Variants in PKHD1L1 observed in about 807,000 individuals in gnomAD.
The protein encoded by PKHD1L1 is PKHD1 like 1.
Under a neutral mutation model 462.9 loss-of-function variants are expected in PKHD1L1, and 434 were observed. The ratio of observed to expected loss-of-function variants is 0.94; its 90% CI spans 0.87 to 1.02. The LOEUF is 1.02. Among genes scored for constraint, PKHD1L1 ranks in the 50% least tolerant of loss-of-function variants. The pLI, the probability that PKHD1L1 is intolerant of heterozygous loss-of-function variation, is 0.00. For synonymous variants in PKHD1L1, 1,781 were observed against 1,750.0 expected (o/e 1.02, Z -0.44); for missense variants, 5,202 against 5,096.1 (o/e 1.02, Z -0.63).
intron 54 of PKHD1L1, 55 bp downstream of exon 54, chr8:109,479,694 A>G (rs1260762479): frequency 8.3e-7 from 1 of 1,200,026 alleles, no homozygotes; most frequent in Non-Finnish European, 1.2e-6. Flanking sequence ...TATTAACACT[A>G]TGGCAGGGTA....
At chr8:109,448,516 G>GT (rs1816293492) in intron 39 of PKHD1L1, 125 bp downstream of exon 39, 2 of 1,172,038 alleles carry the variant, frequency 1.7e-6, no homozygotes, top group Admixed American at 3.5e-5. Context: ...TTGTTTGTTT[G>GT]GTTTTTTTTT....
At position 109,522,417 on chromosome 8, in the gene PKHD1L1, T is replaced by C; in HGVS notation, c.12183+80T>C. On this transcript the variant is annotated intron_variant, in intron 74 of 77. Transcript: ENST00000378402. ...TTATTTCTTATTTTAACTCTCTGTT[T>C]CTATTTCAAAACAATAATTTAGCAG... is the stretch of plus-strand genomic sequence containing the variant. 2.2e-6 allele frequency: 3 copies of C among 1,357,006 alleles called. No homozygotes were observed. In the South Asian group the frequency reaches 4.7e-5, roughly 21 times the overall value. 84.1% of individuals were successfully genotyped at this position (1,357,006 alleles called of 1,614,324 possible).
chr8:109,421,428 T>C (rs1814458427), intron 23 of PKHD1L1, among the ~76,000 whole-genome samples: 1 of 152,210 alleles, frequency 6.6e-6, no homozygotes, highest in South Asian at 2.1e-4. Context: ...TTAGTCTTAA[T>C]ATCTTCCAGA....
intron 6 of PKHD1L1, among the ~76,000 whole-genome samples, chr8:109,387,826 C>T (rs1212923457): frequency 6.6e-6 from 1 of 152,064 alleles, no homozygotes; most frequent in East Asian, 1.9e-4. Context: ...GATTTGCTGT[C>T]CCAAAAGCTG....
Position 109,530,179 on chromosome 8 carries a change from A to T in PKHD1L1, c.*89A>T. The T allele has an allele frequency of 2.8e-6, 2 of 712,648 alleles. No homozygotes were observed. Among genetic ancestry groups the T allele is most frequent in the Non-Finnish European group, 4.1e-6 (2 of 493,356 alleles). 44.1% of individuals were successfully genotyped at this position (712,648 alleles called of 1,614,324 possible). A position where few individuals can be genotyped will look rare whatever the true frequency, so the allele number is the denominator to read the frequency against. On this transcript the variant is annotated 3_prime_UTR_variant, in exon 78 of 78. Coordinates refer to ENST00000378402, the MANE Select transcript of PKHD1L1 (RefSeq NM_177531.6). ...ATAGGCAAAAGTCTATAGCATTTTC[A>T]TGAAAATATACTAAAAATATTTTTA... is the stretch of plus-strand genomic sequence containing the variant.
chr8:109,459,243 G>T (rs1041708709), intron 46 of PKHD1L1, among the ~76,000 whole-genome samples: 8 of 151,990 alleles, frequency 5.3e-5, no homozygotes, highest in African/African-American at 1.9e-4. Flanking sequence ...GTGTCTTCAG[G>T]CATTGCTAAA....
chr8:109,397,305 A>T (rs1260081789), intron 11 of PKHD1L1, among the ~76,000 whole-genome samples: 3 of 152,180 alleles, frequency 2.0e-5, no homozygotes, highest in African/African-American at 7.2e-5. Flanking sequence ...CTTCCAATAA[A>T]ATGGGTGATT....
rs1812952110 is a variant in PKHD1L1 at position 109,396,000 on chromosome 8, A to T, written c.812-27A>T. ...TGGGTTTATGTGTAATATTTATGATATTTTATTTAATGTGGTTTTCCCCCA... is the reference window on the plus strand; with the variant it reads ...TGGGTTTATGTGTAATATTTATGATTTTTTATTTAATGTGGTTTTCCCCCA... On this transcript the variant is annotated intron_variant, in intron 10 of 77. Transcript: ENST00000378402. The T allele has an allele frequency of 7.5e-6, 11 of 1,458,778 alleles. No individual in the cohort carries two copies. The South Asian group carries it at 1.2e-4, about 16-fold the overall frequency. The allele number at this position is 1,458,778 out of a possible 1,614,324, so 90.4% of individuals were successfully genotyped here.
chr8:109,536,217 G>A lies in PKHD1L1; in HGVS notation c.*6127G>A, dbSNP rs183652675. Among the ~76,000 whole-genome samples the A allele has an allele frequency of 1.8e-3, 269 of 152,266 alleles. 1 individual carries two copies. The highest frequency in any genetic ancestry group is 3.1e-3 in the Non-Finnish European group (212 of 68,008). ...CAAAGGTTTCACCGATTTTATTGCT[G>A]TGTTTCCAACACATTTCCACATATG... On this transcript the variant is annotated 3_prime_UTR_variant, in exon 78 of 78. Coordinates refer to ENST00000378402, the MANE Select transcript of PKHD1L1 (RefSeq NM_177531.6).
At chr8:109,435,461 A>T (rs1294219927) in intron 29 of PKHD1L1, 107 bp downstream of exon 29, 2 of 1,227,048 alleles carry the variant, frequency 1.6e-6, no homozygotes, top group Non-Finnish European at 2.2e-6. Flanking sequence ...GCTTCCTCTT[A>T]TAGAACAAAG....
At chr8:109,365,242 G>C (rs1367720025) in intron 2 of PKHD1L1, among the ~76,000 whole-genome samples, 1 of 152,110 alleles carries the variant, frequency 6.6e-6, no homozygotes, top group Non-Finnish European at 1.5e-5. Flanking sequence ...TCAGCCATAA[G>C]ACCTTTGCAA....
intron 67 of PKHD1L1, among the ~76,000 whole-genome samples, chr8:109,502,959 C>T (rs1368345572): frequency 6.6e-6 from 1 of 152,136 alleles, no homozygotes. Flanking sequence ...GACGGGAGTA[C>T]ATAATCTCTC....
chr8:109,425,312 C>G, intron 24 of PKHD1L1, 80 bp downstream of exon 24: 1 of 1,092,220 alleles, frequency 9.2e-7, no homozygotes, highest in Non-Finnish European at 1.2e-6. Flanking sequence ...TTTTGTTTAA[C>G]TTGAGAATTA....
Position 109,456,300 on chromosome 8 carries a change from A to ACC in PKHD1L1, c.6914_6915insCC (p.Ala2306LeufsTer9). On this transcript the variant is annotated frameshift_variant, in exon 46 of 78. Transcript: ENST00000378402. LOFTEE classifies it high-confidence loss of function. ...TGTGACCTGGACTCGCTTGGCTCAT[A>ACC]CTGCAAAGGCAGGGGAAAGAATTTT... 6.2e-7 allele frequency: 1 copy of ACC among 1,612,958 alleles called. No individual in the cohort carries two copies.
chr8:109,531,503 T>TAG lies in PKHD1L1; in HGVS notation c.*1425_*1426dup, dbSNP rs1185673580. Among the ~76,000 whole-genome samples, 2 of 148,896 alleles carry TAG rather than the reference T, an allele frequency of 1.3e-5. No homozygotes were observed. The highest frequency in any genetic ancestry group is 4.0e-4 in the East Asian group (2 of 4,956). On this transcript the variant is annotated 3_prime_UTR_variant, in exon 78 of 78. Coordinates refer to ENST00000378402, the MANE Select transcript of PKHD1L1 (RefSeq NM_177531.6). The stretch of plus-strand genomic sequence containing the variant: ...AGAGGGAGGGGGAGAGAGAGATAGA[T>TAG]AGAGAGAGAGAGAAAGCATGAGGTT...
chr8:109,511,017 G>T, intron 71 of PKHD1L1, 83 bp downstream of exon 71: 1 of 1,434,648 alleles, frequency 7.0e-7, no homozygotes. Flanking sequence ...CTCCTCCCCT[G>T]TTCTAACATT....
chr8:109,390,826 G>A (rs1203689264), intron 9 of PKHD1L1, among the ~76,000 whole-genome samples: 1 of 151,836 alleles, frequency 6.6e-6, no homozygotes, highest in Non-Finnish European at 1.5e-5. Flanking sequence ...TTAAACTAAT[G>A]GAAGAATAAA....
intron 31 of PKHD1L1, 65 bp from the exon 32 acceptor site, chr8:109,438,832 T>C (rs1395374437): frequency 1.1e-5 from 13 of 1,210,788 alleles, no homozygotes; most frequent in East Asian, 7.7e-5. Flanking sequence ...TTATTTAATA[T>C]GCAAATTTCA....
intron 21 of PKHD1L1, among the ~76,000 whole-genome samples, chr8:109,418,714 C>T (rs1222625621): frequency 6.6e-6 from 1 of 152,196 alleles, no homozygotes; most frequent in African/African-American, 2.4e-5. Context: ...ACTGAACTTA[C>T]TGTTCTATGC....
Sources: allele counts gnomAD v4.1 joint callset (sites outside exome capture counted in the v4.1 genomes callset), GRCh38; gene constraint gnomAD v4.1.1; transcripts MANE v1.5; gene names NCBI Gene and HGNC (gene_info 2026-07-23, HGNC 2026-07-21).